The following RO60 variants were observed in gnomAD, a reference collection of about 807,000 sequenced individuals.
RO60 encodes RNA-binding protein RO60.
RO60 carries 20 observed loss-of-function variants against 55.3 expected under a neutral mutation model. That is an observed-to-expected ratio of 0.36 (90% confidence interval 0.25 to 0.53). The LOEUF (loss-of-function observed/expected upper bound fraction) is 0.53, where lower values mean the gene tolerates loss of function less well. RO60 is among the 20% of genes least tolerant of loss of function. The pLI, the probability that RO60 is intolerant of heterozygous loss-of-function variation, is 0.92. For synonymous variants in RO60, 213 were observed against 213.6 expected, an observed-to-expected ratio of 1.00 and a Z score of 0.02; for missense variants, 558 against 646.6, an observed-to-expected ratio of 0.86 and a Z score of 1.49.
intron 5 of RO60, among the ~76,000 whole-genome samples, chr1:193,078,978 A>G (rs971019436): frequency 1.3e-5 from 2 of 152,172 alleles, no homozygotes; most frequent in Admixed American, 6.5e-5. Context: ...AGTTACTACA[A>G]AGCTGCAGTA....
At position 193,089,216 on chromosome 1, in the gene RO60, C is replaced by CT. The variant is rs1354966890; in HGVS notation, c.*4487dup. 6.6e-6 allele frequency: 1 copy of CT among 152,126 alleles called. No homozygotes were observed. Among genetic ancestry groups the CT allele is most frequent in the Non-Finnish European group, 1.5e-5 (1 of 67,996 alleles). 9.4% of individuals were successfully genotyped at this position (152,126 alleles called of 1,614,324 possible). ...TCTAGCTATGTTGAAAAGATAAGTG[C>CT]TTACTATATAAGCACTCTTAGAAAA... On this transcript the variant is annotated 3_prime_UTR_variant, in exon 9 of 9. Coordinates refer to ENST00000400968, the MANE Select transcript of RO60 (RefSeq NM_001173524.2).
downstream of RO60, chr1:193,091,653 T>A (rs1465333058): frequency 1.9e-6 from 3 of 1,611,394 alleles, no homozygotes; most frequent in Non-Finnish European, 2.5e-6. Context: ...CTTTCTAGCC[T>A]TGCAAAATAC....
At chr1:193,078,110 A>C (rs1410201401) in intron 5 of RO60, among the ~76,000 whole-genome samples, 1 of 152,224 alleles carries the variant, frequency 6.6e-6, no homozygotes, top group Non-Finnish European at 1.5e-5. Context: ...TATGACAACC[A>C]ATCAATGTAA....
At chr1:193,071,212 C>T (rs144608269) in intron 2 of RO60, among the ~76,000 whole-genome samples, 330 of 152,322 alleles carry the variant, frequency 2.2e-3, no homozygotes, top group African/African-American at 5.9e-3. Context: ...CACTTGCCTG[C>T]TGCTCACCTC....
At chr1:193,066,396 A>C (rs1362895606) in intron 1 of RO60, among the ~76,000 whole-genome samples, 1 of 152,202 alleles carries the variant, frequency 6.6e-6, no homozygotes, top group Admixed American at 6.5e-5. Flanking sequence ...TCCTCACTGC[A>C]TATTCTCCTG....
intron 8 of RO60, 144 bp downstream of exon 8, chr1:193,082,852 C>A: frequency 1.6e-6 from 1 of 626,472 alleles, no homozygotes; most frequent in Non-Finnish European, 2.6e-6. Flanking sequence ...GCAACCTCAA[C>A]CTCCCAGGCT....
At chr1:193,081,781 A>AC (rs1218431392) in intron 6 of RO60, among the ~76,000 whole-genome samples, 1 of 152,140 alleles carries the variant, frequency 6.6e-6, no homozygotes, top group Non-Finnish European at 1.5e-5. Context: ...CAAATTTTTT[A>AC]AAAATTTATT....
In RO60 at chr1:193,076,032, T is replaced by G. The variant is rs1365845266; in HGVS notation, c.793T>G (p.Ser265Ala). The G allele has an allele frequency of 2.1e-5, 33 of 1,599,424 alleles. No homozygotes were observed. The highest frequency in any genetic ancestry group is 2.7e-5 in the Non-Finnish European group (32 of 1,172,158). ...ACATCTTTTAACAAATCACTTAAAG[T>G]CTAAAGAGGTGAGTGAATTATATGT... ...REHLLTNHLKSKEVWKALLQE... is the reference protein window; with the variant it reads ...REHLLTNHLKAKEVWKALLQE... The change falls in exon 3 of 9, where the codon TCT (serine) becomes GCT (alanine). Residue 265 changes from serine (S) to alanine (A), a missense_variant. Physicochemically the swap from Ser to Ala is moderately conservative, Grantham distance 99. Transcript: ENST00000400968.
chr1:193,075,792 G>A, intron 2 of RO60, 28 bp from the exon 3 acceptor site: 2 of 1,520,844 alleles, frequency 1.3e-6, no homozygotes, highest in African/African-American at 1.4e-5. Flanking sequence ...AATCCTGCAT[G>A]CTTTTTCAAT....
At chr1:193,083,118 G>A (rs1189348322) in intron 8 of RO60, among the ~76,000 whole-genome samples, 2 of 152,010 alleles carry the variant, frequency 1.3e-5, no homozygotes, top group Non-Finnish European at 2.9e-5. Flanking sequence ...TCTTATATAG[G>A]AGCCAGTGTC....
chr1:193,060,762 T>A (rs1162505292), intron 1 of RO60, among the ~76,000 whole-genome samples: 2 of 152,186 alleles, frequency 1.3e-5, no homozygotes, highest in African/African-American at 4.8e-5. Context: ...TTCTTGAAGT[T>A]TATCTCCGGA....
chr1:193,082,552 T>C lies in RO60; in HGVS notation c.1318-10T>C. 1 of 1,613,534 alleles carries C rather than the reference T, an allele frequency of 6.2e-7. No individual in the cohort carries two copies. The highest frequency in any genetic ancestry group is 1.1e-5 in the South Asian group (1 of 91,066). On this transcript the variant is annotated splice_polypyrimidine_tract_variant and intron_variant, in intron 7 of 8. Transcript: ENST00000400968. ...TTTACTTATTTATTCATGCTTTTGT[T>C]CCGAATTAGATCCCAGCAGGTGGAA...
At chr1:193,081,337 T>G (rs746540137) in intron 5 of RO60, 27 bp from the exon 6 acceptor site, 12 of 1,286,318 alleles carry the variant, frequency 9.3e-6, no homozygotes, top group Non-Finnish European at 1.3e-5. Flanking sequence ...TGTTATGCTT[T>G]TAATGATTGT....
At position 193,082,283 on chromosome 1, in the gene RO60, T is replaced by C. The variant is rs758735890; in HGVS notation, c.1301T>C (p.Leu434Ser). 2 of 1,608,960 alleles carry C rather than the reference T, an allele frequency of 1.2e-6. No individual in the cohort carries two copies. The highest frequency in any genetic ancestry group is 1.7e-6 in the Non-Finnish European group (2 of 1,177,820). Residue 434 changes from leucine to serine, a missense_variant, in exon 7 of 9, where the codon TTA becomes TCA. Leu to Ser is a moderately radical substitution (Grantham distance 145). Transcript: ENST00000400968. The part of the protein sequence containing the change: ...VTTDMTLQQV[L>S]MAMSQIPAGG... ...ACAGATATGACCTTACAACAGGTTTTAATGGCTATGAGTCAGGTAAGAAAC... is the reference window on the plus strand; with the variant it reads ...ACAGATATGACCTTACAACAGGTTTCAATGGCTATGAGTCAGGTAAGAAAC...
intron 8 of RO60, among the ~76,000 whole-genome samples, chr1:193,083,031 A>T (rs2103074213): frequency 6.6e-6 from 1 of 152,282 alleles, no homozygotes; most frequent in South Asian, 2.1e-4. Context: ...TGCTGGGATT[A>T]CAGCCACCAC....
intron 1 of RO60, among the ~76,000 whole-genome samples, chr1:193,063,155 C>T (rs1039959320): frequency 1.3e-5 from 2 of 152,120 alleles, no homozygotes; most frequent in South Asian, 2.1e-4. Context: ...AGTATATGAG[C>T]GTTTCATTTT....
At chr1:193,078,505 C>G (rs546978914) in intron 5 of RO60, among the ~76,000 whole-genome samples, 205 of 151,622 alleles carry the variant, frequency 1.4e-3, no homozygotes, top group Admixed American at 3.2e-3. Context: ...TTTAGAAAAC[C>G]CTAAAGTTAA....
In RO60 at chr1:193,082,171, C is replaced by T; in HGVS notation, c.1204-15C>T. ...CCCCAAATTTGCTGAAAATTACTGC[C>T]ATTGAATTTTTCAGGTTGTCACACG... On this transcript the variant is annotated splice_polypyrimidine_tract_variant and intron_variant, in intron 6 of 8. Transcript: ENST00000400968. 1 of 1,540,774 alleles carries T rather than the reference C, an allele frequency of 6.5e-7. No homozygotes were observed.
chr1:193,081,850 A>G (rs1397504734), intron 6 of RO60, among the ~76,000 whole-genome samples: 1 of 152,180 alleles, frequency 6.6e-6, no homozygotes, highest in Non-Finnish European at 1.5e-5. Context: ...GGGAACTAAT[A>G]GGAGTGTCTA....
Sources: allele counts gnomAD v4.1 joint callset (sites outside exome capture counted in the v4.1 genomes callset), GRCh38; gene constraint gnomAD v4.1.1; transcripts MANE v1.5; gene names NCBI Gene and HGNC (gene_info 2026-07-23, HGNC 2026-07-21).